Variants in CCDC178 observed in about 807,000 individuals in gnomAD.
CCDC178 encodes coiled-coil domain-containing protein 178.
Under a neutral mutation model 117.4 loss-of-function variants are expected in CCDC178, and 126 were observed. The ratio of observed to expected loss-of-function variants is 1.07; its 90% CI spans 0.93 to 1.24. The LOEUF is 1.24. CCDC178 is among the 50% of genes most tolerant of loss of function. The probability of loss-of-function intolerance (pLI) is 0.00; values close to 1 mark genes in which losing one functional copy is unlikely to be tolerated. For synonymous variants in CCDC178, 283 were observed against 313.4 expected (o/e 0.90, Z 1.02); for missense variants, 1,030 against 986.9 (o/e 1.04, Z -0.59).
At chr18:33,037,961 C>A (rs188416219) in intron 21 of CCDC178, among the ~76,000 whole-genome samples, 25 of 152,032 alleles carry the variant, frequency 1.6e-4, no homozygotes, top group Non-Finnish European at 1.5e-5. Flanking sequence ...ATGTATGTAA[C>A]AATTTGAATT....
chr18:33,200,707 G>A (rs1248495341), intron 20 of CCDC178, among the ~76,000 whole-genome samples: 3 of 152,104 alleles, frequency 2.0e-5, no homozygotes, highest in South Asian at 2.1e-4. Flanking sequence ...ACTCATCTTC[G>A]CAAGTTTTTT....
intron 20 of CCDC178, among the ~76,000 whole-genome samples, chr18:33,208,378 CA>C (rs2059070433): frequency 6.6e-6 from 1 of 151,868 alleles, no homozygotes; most frequent in Non-Finnish European, 1.5e-5. Flanking sequence ...TTTTTTTACT[CA>C]AAGTAATCTC....
intron 14 of CCDC178, among the ~76,000 whole-genome samples, chr18:33,260,780 C>CT (rs953934170): frequency 1.5e-4 from 23 of 150,802 alleles, no homozygotes; most frequent in African/African-American, 3.6e-4. Context: ...AGAGGTAAGA[C>CT]TTTTTTTTTG....
intron 20 of CCDC178, among the ~76,000 whole-genome samples, chr18:33,113,298 T>C (rs2057808405): frequency 6.6e-6 from 1 of 152,086 alleles, no homozygotes; most frequent in South Asian, 2.1e-4. Context: ...GAGAAACATT[T>C]ACCTTTGAAA....
Position 33,147,576 on chromosome 18 carries a change from C to G in CCDC178, c.2239-54666G>C, listed in dbSNP as rs192685513. 4.4e-4 allele frequency among the ~76,000 whole-genome samples: 67 copies of G among 151,490 alleles called. 1 individual carries two copies. Among genetic ancestry groups the G allele is most frequent in the Middle Eastern group, 3.4e-3 (1 of 294 alleles). ...ATTAGGGAGTGGTGATGACTCCTAA[C>G]GAGCATGCTGCCTTCAAGCATCTGT... On this transcript the variant is annotated intron_variant, in intron 20 of 22. Coordinates refer to ENST00000383096, the MANE Select transcript of CCDC178 (RefSeq NM_001105528.4).
chr18:33,244,981 A>C (rs1568083648), intron 15 of CCDC178, among the ~76,000 whole-genome samples: 1 of 152,048 alleles, frequency 6.6e-6, no homozygotes, highest in East Asian at 1.9e-4. Context: ...ACTGAGCACC[A>C]CACTCCTGGT....
At chr18:33,297,826 A>G (rs7227315) in intron 11 of CCDC178, among the ~76,000 whole-genome samples, 136,718 of 152,152 alleles carry the variant, frequency 0.9, 61,695 homozygotes, top group East Asian at 1. Context: ...TGGACCATGA[A>G]GTCAGGAGAT....
intron 20 of CCDC178, among the ~76,000 whole-genome samples, chr18:33,182,144 C>G (rs914983628): frequency 2.0e-5 from 3 of 151,866 alleles, no homozygotes; most frequent in African/African-American, 7.2e-5. Flanking sequence ...GAATATATCA[C>G]TTTTCACAAG....
Position 33,039,349 on chromosome 18 carries a change from A to C in CCDC178, c.2388+53412T>G, listed in dbSNP as rs530816644. Among the ~76,000 whole-genome samples the C allele has an allele frequency of 9.2e-5, 14 of 152,180 alleles. No homozygotes were observed. In the South Asian group the frequency reaches 2.7e-3, roughly 29 times the overall value. ...CACATCCACATGTTAAAAGGTGAGCAAACAAATCATACATAGCTCATGCCT... is the reference window on the plus strand; with the variant it reads ...CACATCCACATGTTAAAAGGTGAGCCAACAAATCATACATAGCTCATGCCT... On this transcript the variant is annotated intron_variant, in intron 21 of 22. Coordinates refer to ENST00000383096, the MANE Select transcript of CCDC178 (RefSeq NM_001105528.4).
Position 33,266,950 on chromosome 18 carries a change from C to G in CCDC178, c.1375G>C (p.Asp459His). 6.3e-7 allele frequency: 1 copy of G among 1,586,222 alleles called. No individual in the cohort carries two copies. Among genetic ancestry groups the G allele is most frequent in the Non-Finnish European group, 8.5e-7 (1 of 1,171,200 alleles). The change falls in exon 14 of 23, where the codon GAT becomes CAT. Residue 459 changes from aspartate (D) to histidine (H), a missense_variant. Coordinates refer to ENST00000383096, the MANE Select transcript of CCDC178 (RefSeq NM_001105528.4). The stretch of plus-strand genomic sequence containing the variant: ...GTTTTTACTGTTATTTTGTTAATAT[C>G]AATCTCAAGTTTTTTATTGTCTTCC... Reference protein sequence around the residue: ...LTEDNKKLEIDINKITVKTNE... With the variant: ...LTEDNKKLEIHINKITVKTNE...
At chr18:33,340,198 T>C (rs372960004) in intron 9 of CCDC178, among the ~76,000 whole-genome samples, 1 of 152,148 alleles carries the variant, frequency 6.6e-6, no homozygotes. Context: ...TGCTATGTTT[T>C]AGCAAAGAGA....
At chr18:33,415,227 T>C (rs1387157448) in intron 2 of CCDC178, among the ~76,000 whole-genome samples, 3 of 152,234 alleles carry the variant, frequency 2.0e-5, no homozygotes, top group African/African-American at 7.2e-5. Flanking sequence ...TTATAAATCA[T>C]GCTGCTATAA....
intron 22 of CCDC178, among the ~76,000 whole-genome samples, chr18:32,970,458 C>T (rs1458262434): frequency 6.6e-6 from 1 of 151,792 alleles, no homozygotes; most frequent in Admixed American, 6.6e-5. Flanking sequence ...TTTAATACTA[C>T]CTTGAGAATA....
chr18:33,195,219 A>AT (rs1362001835), intron 20 of CCDC178, among the ~76,000 whole-genome samples: 1 of 152,144 alleles, frequency 6.6e-6, no homozygotes, highest in Admixed American at 6.6e-5. Context: ...AGTAAAATAT[A>AT]TAACTCCAGA....
chr18:33,154,137 C>A (rs949227038), intron 20 of CCDC178, among the ~76,000 whole-genome samples: 1 of 151,856 alleles, frequency 6.6e-6, no homozygotes, highest in Non-Finnish European at 1.5e-5. Flanking sequence ...TCTGTGCACA[C>A]AATATGAAAA....
At chr18:33,194,235 T>C (rs1403283564) in intron 20 of CCDC178, among the ~76,000 whole-genome samples, 2 of 152,084 alleles carry the variant, frequency 1.3e-5, no homozygotes, top group South Asian at 2.1e-4. Flanking sequence ...AAATACTTTA[T>C]AAATATCTCA....
chr18:33,101,757 AT>A (rs2057631248), intron 20 of CCDC178, among the ~76,000 whole-genome samples: 1 of 152,004 alleles, frequency 6.6e-6, no homozygotes, highest in South Asian at 2.1e-4. Context: ...TTCATTACAA[AT>A]GAGAGAAAAA....
chr18:33,428,268 C>G (rs928249655), intron 2 of CCDC178, among the ~76,000 whole-genome samples: 1 of 152,062 alleles, frequency 6.6e-6, no homozygotes, highest in African/African-American at 2.4e-5. Flanking sequence ...ATACTACTAA[C>G]ACATAAAATA....
chr18:32,937,759 G>A lies in CCDC178; in HGVS notation c.*252C>T, dbSNP rs770505644. The A allele has an allele frequency of 2.7e-5, 12 of 438,570 alleles. No individual in the cohort carries two copies. The highest frequency in any genetic ancestry group is 4.5e-5 in the Non-Finnish European group (11 of 243,984). 27.2% of individuals were successfully genotyped at this position (438,570 alleles called of 1,614,324 possible). The stretch of plus-strand genomic sequence containing the variant: ...TGACATAGATTAATTATCAGATGAG[G>A]CAAAGCCAATTGCAATCAGTCACCC... On this transcript the variant is annotated 3_prime_UTR_variant, in exon 23 of 23. Transcript: ENST00000383096.
Sources: gnomAD v4.1 joint callset for allele counts (sites outside exome capture counted in the v4.1 genomes callset) on GRCh38, gnomAD v4.1.1 for gene constraint, MANE v1.5 for transcripts, NCBI Gene and HGNC (gene_info 2026-07-23, HGNC 2026-07-21) for gene names.